The following DAB1 variants were observed in gnomAD, a reference collection of about 807,000 sequenced individuals.
The protein encoded by DAB1 is disabled homolog 1.
Under a neutral mutation model 64.6 loss-of-function variants are expected in DAB1, and 15 were observed. The observed-to-expected ratio is 0.23, with a 90% CI of 0.16 to 0.36. The LOEUF is 0.36. Among genes scored for constraint, DAB1 ranks in the 10% least tolerant of loss-of-function variants. The pLI is 1.00. For synonymous variants in DAB1, 235 were observed against 251.9 expected (o/e 0.93, Z 0.64); for missense variants, 596 against 706.7 (o/e 0.84, Z 1.78).
chr1:58,294,094 T>C (rs954985924), intron 4 of DAB1, among the ~76,000 whole-genome samples: 5 of 152,120 alleles, frequency 3.3e-5, no homozygotes, highest in African/African-American at 1.2e-4. Context: ...TGCCAGACAC[T>C]ACAATCTAGT....
intron 5 of DAB1, among the ~76,000 whole-genome samples, chr1:57,941,290 A>T (rs1296572533): frequency 1.3e-5 from 2 of 152,214 alleles, no homozygotes; most frequent in African/African-American, 4.8e-5. Flanking sequence ...TTATCATTTT[A>T]TCTGCACAGT....
chr1:58,041,049 C>T (rs1413424456), intron 5 of DAB1, among the ~76,000 whole-genome samples: 1 of 152,226 alleles, frequency 6.6e-6, no homozygotes, highest in Non-Finnish European at 1.5e-5. Flanking sequence ...AGCTCTGCAT[C>T]TTTGCACATG....
intron 6 of DAB1, among the ~76,000 whole-genome samples, chr1:57,664,999 A>G (rs1646429382): frequency 6.6e-6 from 1 of 152,050 alleles, no homozygotes; most frequent in Admixed American, 6.6e-5. Context: ...TTTCTACCAT[A>G]TTTATTATTA....
At chr1:57,846,028 C>T (rs1006984687) in intron 1 of DAB1, among the ~76,000 whole-genome samples, 1 of 152,190 alleles carries the variant, frequency 6.6e-6, no homozygotes, top group African/African-American at 2.4e-5. Flanking sequence ...TTGTGGATCA[C>T]ATGACTGCCA....
chr1:57,577,358 T>G (rs753628274), intron 7 of DAB1, among the ~76,000 whole-genome samples: 5 of 151,848 alleles, frequency 3.3e-5, no homozygotes, highest in Non-Finnish European at 7.4e-5. Flanking sequence ...GGAGACTCCA[T>G]GTTTGACAGG....
Position 58,543,338 on chromosome 1 carries a change from A to C in DAB1, n.32+3365T>G, listed in dbSNP as rs190479867. Among the ~76,000 whole-genome samples the C allele has an allele frequency of 2.4e-3, 365 of 152,342 alleles. 2 individuals carry two copies. Among genetic ancestry groups the C allele is most frequent in the Middle Eastern group, 3.4e-3 (1 of 294 alleles). On this transcript the variant is annotated intron_variant and non_coding_transcript_variant, in intron 1 of 20. Coordinates refer to the DAB1 transcript ENST00000485760. ...GGTTCCTCCTACACTTTGCAAAGCCAAATTTACCAATTTTCAACATTTAAT... is the reference window on the plus strand; with the variant it reads ...GGTTCCTCCTACACTTTGCAAAGCCCAATTTACCAATTTTCAACATTTAAT...
chr1:58,378,493 G>T (rs200997525), intron 3 of DAB1, among the ~76,000 whole-genome samples: 290 of 36,322 alleles, frequency 8.0e-3, no homozygotes, highest in South Asian at 0.068. Flanking sequence ...AGGCTGCTCG[G>T]GGGTCAGGGG....
intron 8 of DAB1, among the ~76,000 whole-genome samples, chr1:57,069,036 T>C (rs1184526807): frequency 2.0e-5 from 3 of 152,224 alleles, no homozygotes. Context: ...CACATTCTTT[T>C]GAGAAATAAA....
intron 9 of DAB1, among the ~76,000 whole-genome samples, chr1:57,060,596 G>C (rs1376297598): frequency 2.0e-5 from 3 of 152,208 alleles, no homozygotes; most frequent in Admixed American, 2.0e-4. Flanking sequence ...AGGAATGACA[G>C]CACAAAGGCA....
At chr1:58,176,955 G>A (rs1057346387) in intron 4 of DAB1, among the ~76,000 whole-genome samples, 3 of 151,512 alleles carry the variant, frequency 2.0e-5, no homozygotes, top group South Asian at 2.1e-4. Context: ...CTCCAGCCTG[G>A]GTGACGGAGA....
chr1:58,199,888 G>A (rs984699466), intron 4 of DAB1, among the ~76,000 whole-genome samples: 1 of 152,162 alleles, frequency 6.6e-6, no homozygotes, highest in African/African-American at 2.4e-5. Context: ...ACGGACCCAA[G>A]TTTCTTCCAG....
chr1:57,820,385 C>T (rs1404091556), intron 6 of DAB1, among the ~76,000 whole-genome samples: 1 of 151,750 alleles, frequency 6.6e-6, no homozygotes, highest in Non-Finnish European at 1.5e-5. Context: ...TAGTTGGGTC[C>T]AAGAAGATTT....
intron 1 of DAB1, among the ~76,000 whole-genome samples, chr1:57,332,488 C>A (rs1676753828): frequency 6.6e-6 from 1 of 152,146 alleles, no homozygotes; most frequent in African/African-American, 2.4e-5. Context: ...GTAGAGTAAT[C>A]ATTTATGGAA....
At chr1:58,352,876 G>A (rs947340804) in intron 3 of DAB1, among the ~76,000 whole-genome samples, 1 of 152,122 alleles carries the variant, frequency 6.6e-6, no homozygotes, top group Non-Finnish European at 1.5e-5. Context: ...AGCAAAAAGA[G>A]AGCTGTGTAT....
chr1:58,232,812 A>T (rs1659843551), intron 4 of DAB1, among the ~76,000 whole-genome samples: 1 of 152,194 alleles, frequency 6.6e-6, no homozygotes, highest in African/African-American at 2.4e-5. Context: ...GTTCAATCAA[A>T]TATCACCTTC....
At chr1:57,025,561 TG>T (rs1352861082) in intron 10 of DAB1, among the ~76,000 whole-genome samples, 45 of 152,294 alleles carry the variant, frequency 3.0e-4, no homozygotes, top group Admixed American at 2.2e-3. Context: ...CCACCTATGC[TG>T]TACTGGGCTT....
At chr1:57,630,469 T>C (rs1044536930) in intron 7 of DAB1, among the ~76,000 whole-genome samples, 2 of 152,200 alleles carry the variant, frequency 1.3e-5, no homozygotes, top group Non-Finnish European at 2.9e-5. Context: ...AGTTATTTGT[T>C]TCACCCTAAG....
intron 6 of DAB1, among the ~76,000 whole-genome samples, chr1:57,760,547 C>T (rs1649029669): frequency 6.6e-6 from 1 of 151,592 alleles, no homozygotes; most frequent in South Asian, 2.1e-4. Context: ...TTTCTCCCTG[C>T]CCTCTCCTCC....
Position 58,180,281 on chromosome 1 carries a change from C to CTTTTTTTT in DAB1, n.310-29701_310-29694dup, listed in dbSNP as rs869204611. Among the ~76,000 whole-genome samples the CTTTTTTTT allele has an allele frequency of 7.2e-4, 44 of 61,032 alleles. 1 individual carries two copies. The highest frequency in any genetic ancestry group is 2.1e-3 in the East Asian group (4 of 1,892). 40.0% of individuals were successfully genotyped at this position (61,032 alleles called of 152,430 possible). A position where few individuals can be genotyped will look rare whatever the true frequency, so the allele number is the denominator to read the frequency against. On this transcript the variant is annotated intron_variant and non_coding_transcript_variant, in intron 4 of 20. Coordinates refer to the DAB1 transcript ENST00000485760. ...CTTTCTTTTTTCTTTTTTTTCTTTT[C>CTTTTTTTT]TTTTTTTTTTTTTTTTTTTTTTTTT...
Sources: gnomAD v4.1 joint callset for allele counts (sites outside exome capture counted in the v4.1 genomes callset) on GRCh38, gnomAD v4.1.1 for gene constraint, MANE v1.5 for transcripts, NCBI Gene and HGNC (gene_info 2026-07-23, HGNC 2026-07-21) for gene names.